The following CSMD3 variants were observed in gnomAD, a reference collection of about 807,000 sequenced individuals.
CSMD3 encodes CUB and sushi domain-containing protein 3.
In CSMD3, 177 loss-of-function variants were observed where a neutral mutation model predicts 435.2. That is an observed-to-expected ratio of 0.41 (90% CI 0.36 to 0.46). CSMD3 has a LOEUF of 0.46. Ranked by LOEUF, CSMD3 falls within the 20% of genes least tolerant of loss-of-function variation. The pLI, the probability that CSMD3 is intolerant of heterozygous loss-of-function variation, is 0.34. For missense variants in CSMD3, 4,265 were observed against 4,504.6 expected (o/e 0.95, Z 1.52); for synonymous variants, 1,656 against 1,520.5 (o/e 1.09, Z -2.07).
intron 22 of CSMD3, among the ~76,000 whole-genome samples, chr8:112,587,786 C>A (rs1051588052): frequency 6.6e-6 from 1 of 151,700 alleles, no homozygotes; most frequent in Non-Finnish European, 1.5e-5. Flanking sequence ...CTGGTAATAA[C>A]AATTAAACAA....
chr8:112,367,739 A>G (rs531097201), intron 38 of CSMD3, among the ~76,000 whole-genome samples: 113 of 152,268 alleles, frequency 7.4e-4, no homozygotes, highest in African/African-American at 2.7e-3. Context: ...TTTCCAAAAT[A>G]AAAAGTCCTC....
At chr8:113,216,574 T>G (rs1333189756) in intron 3 of CSMD3, among the ~76,000 whole-genome samples, 1 of 151,954 alleles carries the variant, frequency 6.6e-6, no homozygotes, top group South Asian at 2.1e-4. Context: ...ACCAAACATA[T>G]TCTCCCACCA....
chr8:112,952,457 G>C (rs904768318), intron 8 of CSMD3, among the ~76,000 whole-genome samples: 1 of 151,284 alleles, frequency 6.6e-6, no homozygotes, highest in African/African-American at 2.4e-5. Context: ...TTTGTCCTAG[G>C]TTGAATAAAT....
At chr8:112,628,347 T>G (rs751928823) in intron 22 of CSMD3, among the ~76,000 whole-genome samples, 6 of 152,176 alleles carry the variant, frequency 3.9e-5, no homozygotes, top group Admixed American at 1.3e-4. Context: ...ATCATAATCA[T>G]AAGCTTCTTC....
chr8:113,117,928 G>A (rs1379107968), intron 4 of CSMD3, among the ~76,000 whole-genome samples: 5 of 152,114 alleles, frequency 3.3e-5, no homozygotes, highest in African/African-American at 1.2e-4. Context: ...TAATATCTAG[G>A]AAGTAAGTAA....
chr8:112,997,574 G>A (rs912626941), intron 6 of CSMD3, among the ~76,000 whole-genome samples: 3 of 151,664 alleles, frequency 2.0e-5, no homozygotes, highest in African/African-American at 4.8e-5. Context: ...AAATAAAGGT[G>A]AGAATTTGAT....
intron 3 of CSMD3, among the ~76,000 whole-genome samples, chr8:113,261,908 T>C (rs572775703): frequency 6.6e-6 from 1 of 152,076 alleles, no homozygotes; most frequent in Non-Finnish European, 1.5e-5. Context: ...GGATGTTGTA[T>C]CATTTGCTCC....
chr8:112,525,404 T>C (rs1227312876), intron 27 of CSMD3, among the ~76,000 whole-genome samples: 2 of 150,182 alleles, frequency 1.3e-5, no homozygotes, highest in African/African-American at 4.9e-5. Context: ...CAGAATAAAG[T>C]AGAAGTTTAA....
At chr8:113,247,320 G>A (rs1261673244) in intron 3 of CSMD3, among the ~76,000 whole-genome samples, 2 of 152,138 alleles carry the variant, frequency 1.3e-5, no homozygotes, top group South Asian at 2.1e-4. Context: ...GAAGTTGTCA[G>A]ACAGATAAAA....
intron 54 of CSMD3, among the ~76,000 whole-genome samples, chr8:112,293,219 A>G (rs1819952966): frequency 6.6e-6 from 1 of 151,980 alleles, no homozygotes; most frequent in Non-Finnish European, 1.5e-5. Flanking sequence ...ATAGCTATGC[A>G]TATATATCAT....
At chr8:113,218,572 G>GA (rs975162507) in intron 3 of CSMD3, among the ~76,000 whole-genome samples, 4 of 150,056 alleles carry the variant, frequency 2.7e-5, no homozygotes, top group African/African-American at 9.7e-5. Flanking sequence ...CTACATTGAA[G>GA]AAAAAATAAA....
intron 2 of CSMD3, among the ~76,000 whole-genome samples, chr8:113,280,711 G>T (rs1296614404): frequency 6.6e-6 from 1 of 151,718 alleles, no homozygotes; most frequent in African/African-American, 2.4e-5. Context: ...GGTTTGGTTT[G>T]TTCTTGTTTC....
rs1813401164 is a variant in CSMD3, at chr8:112,234,587, GAAAT to G, written c.10628-114_10628-111del. On this transcript the variant is annotated intron_variant, in intron 67 of 70. Transcript: ENST00000297405. Reference sequence around the variant, plus strand: ...TATGTAAGATATGTAATTAAAAAAAGAAATAAAACAAGGGCAAGTCAAGGATGGC... The same window carrying G: ...TATGTAAGATATGTAATTAAAAAAAGAAAACAAGGGCAAGTCAAGGATGGC... 3 of 733,908 alleles carry G rather than the reference GAAAT, an allele frequency of 4.1e-6. No homozygotes were observed. In the South Asian group the frequency reaches 4.6e-5, roughly 11 times the overall value. 45.5% of individuals were successfully genotyped at this position (733,908 alleles called of 1,614,324 possible).
chr8:113,147,195 A>T (rs1331290426), intron 4 of CSMD3, among the ~76,000 whole-genome samples: 1 of 151,748 alleles, frequency 6.6e-6, no homozygotes, highest in South Asian at 2.1e-4. Flanking sequence ...ATTATTGGAA[A>T]AGAAGCTTTC....
intron 13 of CSMD3, among the ~76,000 whole-genome samples, chr8:112,783,516 G>A (rs13274223): frequency 7.9e-6 from 1 of 127,104 alleles, no homozygotes; most frequent in Non-Finnish European, 1.7e-5. Context: ...GGAAGGGAGG[G>A]AGGGAGGGAA....
At chr8:113,311,189 G>A (rs972379134) in intron 2 of CSMD3, 14 of 151,982 alleles carry the variant, frequency 9.2e-5, no homozygotes, top group Non-Finnish European at 1.3e-4. Context: ...TTCCAGCAAT[G>A]TTGCCTTAAA....
intron 13 of CSMD3, among the ~76,000 whole-genome samples, chr8:112,770,213 ATGT>A (rs1286379861): frequency 6.6e-6 from 1 of 152,020 alleles, no homozygotes; most frequent in Non-Finnish European, 1.5e-5. Context: ...TCCAGAATTC[ATGT>A]TAAAATTTAA....
intron 27 of CSMD3, among the ~76,000 whole-genome samples, chr8:112,540,316 C>T (rs935054189): frequency 6.6e-6 from 1 of 151,916 alleles, no homozygotes; most frequent in South Asian, 2.1e-4. Flanking sequence ...AGAGGGAATG[C>T]TCATGCACTG....
At chr8:112,268,949 T>C (rs1817213720) in intron 59 of CSMD3, among the ~76,000 whole-genome samples, 1 of 152,196 alleles carries the variant, frequency 6.6e-6, no homozygotes, top group African/African-American at 2.4e-5. Context: ...AATTCTTCGT[T>C]GTGAGGGGCT....
Sources: allele counts gnomAD v4.1 joint callset (sites outside exome capture counted in the v4.1 genomes callset), GRCh38; gene constraint gnomAD v4.1.1; transcripts MANE v1.5; gene names NCBI Gene and HGNC (gene_info 2026-07-23, HGNC 2026-07-21).